The following PTK7 variants were observed in gnomAD, a reference collection of about 807,000 sequenced individuals.
PTK7 encodes the protein inactive tyrosine-protein kinase 7.
PTK7 carries 39 observed loss-of-function variants against 116.6 expected under a neutral mutation model. The ratio of observed to expected loss-of-function variants is 0.33; its 90% confidence interval spans 0.26 to 0.44. The LOEUF (loss-of-function observed/expected upper bound fraction) is 0.44. PTK7 is among the 20% of genes least tolerant of loss of function. PTK7 has a pLI of 1.00. For missense variants in PTK7, 1,169 were observed against 1,425.6 expected (o/e 0.82, Z 2.90); for synonymous variants, 546 against 563.6 (o/e 0.97, Z 0.44).
At chr6:43,155,261 A>C (rs79718860) in intron 17 of PTK7, among the ~76,000 whole-genome samples, 3,257 of 152,050 alleles carry the variant, frequency 0.021, 118 homozygotes, top group African/African-American at 0.073. Context: ...GGGCTCAAGC[A>C]ATTCTCCTAC....
intron 6 of PTK7, 101 bp downstream of exon 6, chr6:43,132,265 A>G: frequency 6.6e-7 from 1 of 1,511,732 alleles, no homozygotes; most frequent in Non-Finnish European, 8.9e-7. Flanking sequence ...CTTGGAGGGC[A>G]GGGGAAGAAA....
chr6:43,114,973 C>T (rs1232059327), intron 1 of PTK7, among the ~76,000 whole-genome samples: 1 of 150,982 alleles, frequency 6.6e-6, no homozygotes. Flanking sequence ...ACCTGGGAGG[C>T]GGAGGTTGCA....
chr6:43,158,344 A>G (rs1272466323), intron 17 of PTK7, among the ~76,000 whole-genome samples: 4 of 151,834 alleles, frequency 2.6e-5, no homozygotes, highest in Non-Finnish European at 5.9e-5. Flanking sequence ...ATGCACAGCT[A>G]TAGTCCTAGC....
At chr6:43,125,719 T>C (rs977565826) in intron 1 of PTK7, among the ~76,000 whole-genome samples, 2 of 152,120 alleles carry the variant, frequency 1.3e-5, no homozygotes, top group African/African-American at 4.8e-5. Flanking sequence ...AGATGAACCA[T>C]TTGCAAGGCA....
At chr6:43,144,410 G>T (rs1055990433) in intron 14 of PTK7, 41 bp from the exon 15 acceptor site, 4 of 1,612,996 alleles carry the variant, frequency 2.5e-6, no homozygotes, top group Admixed American at 1.7e-5. Context: ...TGGCCAGAGT[G>T]TCAGGTCTCA....
At chr6:43,119,542 G>A (rs1431354998) in intron 1 of PTK7, among the ~76,000 whole-genome samples, 4 of 152,098 alleles carry the variant, frequency 2.6e-5, no homozygotes, top group Admixed American at 6.5e-5. Flanking sequence ...CTTTGGGTCC[G>A]AACCCCTCCA....
rs200903328 is a variant in PTK7, at chr6:43,099,123, GA to G, written c.79+22564del. On this transcript the variant is annotated intron_variant, in intron 1 of 19. Transcript: ENST00000230419. Reference sequence around the variant, plus strand: ...AGGATCCAGTACTTAAAAAAAAAAGGAAAAAAAATGTGACTTTGGCAATTCT... The same window carrying G: ...AGGATCCAGTACTTAAAAAAAAAAGGAAAAAAATGTGACTTTGGCAATTCT... 8.2e-3 allele frequency among the ~76,000 whole-genome samples: 1,166 copies of G among 141,490 alleles called. 7 individuals carry two copies. The highest frequency in any genetic ancestry group is 0.019 in the Middle Eastern group (5 of 270). The allele number at this position is 141,490 out of a possible 152,430, so 92.8% of individuals were successfully genotyped here. A position where few individuals can be genotyped will look rare whatever the true frequency, so the allele number is the denominator to read the frequency against.
intron 1 of PTK7, among the ~76,000 whole-genome samples, chr6:43,107,379 T>C (rs1156775109): frequency 1.3e-5 from 2 of 152,242 alleles, no homozygotes; most frequent in East Asian, 3.8e-4. Flanking sequence ...CGGCATCTGT[T>C]ACTCATCAGC....
Position 43,158,907 on chromosome 6 carries a change from G to T in PTK7, c.2812G>T (p.Val938Phe). ...GGACTTGGCTGCGCGTAACTGCCTG[G>T]TCAGTGCCCAGAGACAAGTGAAGGT... Reference protein sequence around the residue: ...HKDLAARNCLVSAQRQVKVSA... With the variant: ...HKDLAARNCLFSAQRQVKVSA... Residue 938 changes from valine (V) to phenylalanine (F), a missense_variant, in exon 18 of 20, where the codon GTC becomes TTC. Val to Phe is a conservative substitution (Grantham distance 50). This residue lies in a region of PTK7 where 678 missense variants were observed against 853.8 expected (regional missense o/e 0.79). Transcript: ENST00000230419. The T allele has an allele frequency of 6.2e-7, 1 of 1,614,250 alleles. No individual in the cohort carries two copies. Among genetic ancestry groups the T allele is most frequent in the Non-Finnish European group, 8.5e-7 (1 of 1,180,054 alleles).
rs1390271894 is a variant in PTK7 at position 43,160,757 on chromosome 6, A to G, written c.3089A>G (p.Glu1030Gly). 1.2e-6 allele frequency: 2 copies of G among 1,614,048 alleles called. No individual in the cohort carries two copies. Among genetic ancestry groups the G allele is most frequent in the African/African-American group, 2.7e-5 (2 of 74,924 alleles). Residue 1030 changes from glutamate (E) to glycine (G), a missense_variant, in exon 20 of 20, where the codon GAG (glutamate) becomes GGG (glycine). By Grantham distance (98) the Glu-to-Gly change is moderately conservative. Transcript: ENST00000230419. ...QAGKARLPQP[E>G]GCPSKLYRLM... is the part of the protein sequence containing the mutation. ...GGGAAGGCTAGACTTCCTCAGCCCGAGGGCTGCCCTTCCAAACTCTATCGG... is the reference window on the plus strand; with the variant it reads ...GGGAAGGCTAGACTTCCTCAGCCCGGGGGCTGCCCTTCCAAACTCTATCGG...
rs751558610 is a variant in PTK7, at chr6:43,130,242, A to G, written c.483A>G (p.Gln161=). ...GTCTGCCCTGCAGGCCCACCTACCA[A>G]TGGTTCCGAGATGGGACCCCCCTTT... ...HIDGHPRPTY[Q]WFRDGTPLSD... is the part of the protein sequence containing the mutation. Residue 161 remains glutamine, a synonymous_variant, in exon 4 of 20, where the codon CAA becomes CAG. Coordinates refer to ENST00000230419, the MANE Select transcript of PTK7 (RefSeq NM_002821.5). 5.2e-5 allele frequency: 83 copies of G among 1,582,270 alleles called. 1 individual carries two copies. The highest frequency in any genetic ancestry group is 3.4e-4 in the Middle Eastern group (2 of 5,964).
At chr6:43,114,240 A>G (rs1205618323) in intron 1 of PTK7, among the ~76,000 whole-genome samples, 3 of 151,882 alleles carry the variant, frequency 2.0e-5, no homozygotes, top group African/African-American at 4.8e-5. Flanking sequence ...CTATGATTCT[A>G]TGTTACTTGA....
In PTK7 at chr6:43,143,174, C is replaced by T. The variant is rs997484769; in HGVS notation, c.2048-243C>T. 4.5e-5 allele frequency: 22 copies of T among 492,016 alleles called. No homozygotes were observed. The highest frequency in any genetic ancestry group is 1.1e-4 in the Admixed American group (3 of 27,434). 30.5% of individuals were successfully genotyped at this position (492,016 alleles called of 1,614,324 possible). On this transcript the variant is annotated intron_variant, in intron 13 of 19. Transcript: ENST00000230419. The surrounding 1 kb of genome is among the most constrained non-coding windows in gnomAD (Gnocchi z 4.2). ...CCTTGACAGGTGTGCTTATCCGTGT[C>T]GCCTGTCTTGGCTTCCGATGCAAAG...
intron 1 of PTK7, among the ~76,000 whole-genome samples, chr6:43,126,245 G>A (rs1356172427): frequency 6.6e-6 from 1 of 152,088 alleles, no homozygotes; most frequent in Non-Finnish European, 1.5e-5. Context: ...GCTTAAATCC[G>A]AGAGGTGGAG....
intron 1 of PTK7, among the ~76,000 whole-genome samples, chr6:43,086,081 C>A (rs1161983941): frequency 6.6e-6 from 1 of 152,192 alleles, no homozygotes; most frequent in African/African-American, 2.4e-5. Flanking sequence ...CTCTTTGTCT[C>A]AATAGCAGAT....
At chr6:43,097,733 AGGTAACT>A (rs1767340068) in intron 1 of PTK7, among the ~76,000 whole-genome samples, 1 of 152,208 alleles carries the variant, frequency 6.6e-6, no homozygotes, top group Non-Finnish European at 1.5e-5. Context: ...AGGGTTGTTC[AGGTAACT>A]GGCAGTGTGG....
chr6:43,131,101 C>T (rs906055097), intron 5 of PTK7, among the ~76,000 whole-genome samples: 1 of 150,652 alleles, frequency 6.6e-6, no homozygotes, highest in African/African-American at 2.5e-5. Flanking sequence ...GCAAACACCT[C>T]TAGAAGGTTC....
intron 1 of PTK7, among the ~76,000 whole-genome samples, chr6:43,081,164 A>T (rs936063778): frequency 7.2e-5 from 11 of 151,832 alleles, no homozygotes; most frequent in Non-Finnish European, 1.5e-4. Flanking sequence ...CCGGTTGTAC[A>T]TTGCCTTCTC....
chr6:43,121,986 T>C (rs1768992060), intron 1 of PTK7, among the ~76,000 whole-genome samples: 1 of 151,808 alleles, frequency 6.6e-6, no homozygotes, highest in Non-Finnish European at 1.5e-5. Flanking sequence ...CAAAAACAAT[T>C]TGAAAATTAG....
Sources: allele counts gnomAD v4.1 joint callset (sites outside exome capture counted in the v4.1 genomes callset), GRCh38; gene constraint gnomAD v4.1.1; regional missense constraint gnomAD v4.1.1; non-coding constraint Gnocchi (gnomAD v3.1); transcripts MANE v1.5; gene names NCBI Gene and HGNC (gene_info 2026-07-23, HGNC 2026-07-21).